Variants in ULK4 observed in about 807,000 individuals in gnomAD.
ULK4 encodes the protein inactive serine/threonine-protein kinase ULK4.
A neutral mutation model predicts 160.6 loss-of-function variants in ULK4; 133 were observed. The ratio of observed to expected loss-of-function variants is 0.83; its 90% confidence interval spans 0.72 to 0.96. The LOEUF is 0.96. Among genes scored for constraint, ULK4 ranks in the 40% least tolerant of loss-of-function variants. The pLI is 0.00. For synonymous variants in ULK4, 534 were observed against 539.8 expected, an observed-to-expected ratio of 0.99 and a Z score of 0.15; for missense variants, 1,580 against 1,499.5, an observed-to-expected ratio of 1.05 and a Z score of -0.89.
chr3:41,436,184 A>G (rs971172137), intron 34 of ULK4, among the ~76,000 whole-genome samples: 1 of 152,158 alleles, frequency 6.6e-6, no homozygotes, highest in African/African-American at 2.4e-5. Flanking sequence ...TATTAAGATA[A>G]TTTTGACCAA....
intron 3 of ULK4, 108 bp from the exon 4 acceptor site, chr3:41,936,048 T>A: frequency 7.1e-7 from 1 of 1,402,402 alleles, no homozygotes; most frequent in Admixed American, 2.3e-5. Context: ...ATCAAGACAG[T>A]AAACGCTGAC....
intron 31 of ULK4, among the ~76,000 whole-genome samples, chr3:41,601,653 G>A (rs1384773557): frequency 6.6e-6 from 1 of 152,056 alleles, no homozygotes; most frequent in Non-Finnish European, 1.5e-5. Flanking sequence ...CCTCGTCTCT[G>A]TGGTTTTCCT....
intron 32 of ULK4, among the ~76,000 whole-genome samples, chr3:41,501,268 C>T (rs530664363): frequency 2.6e-5 from 4 of 152,242 alleles, no homozygotes; most frequent in East Asian, 1.9e-4. Context: ...GAGGCCGAGA[C>T]GGGCGGATCA....
chr3:41,432,444 G>A lies in ULK4; in HGVS notation c.3492+23053C>T, dbSNP rs186429375. Among the ~76,000 whole-genome samples, 595 of 152,260 alleles carry A rather than the reference G, an allele frequency of 3.9e-3. 6 individuals are homozygous for A. Among genetic ancestry groups the A allele is most frequent in the African/African-American group, 0.014 (574 of 41,562 alleles). On this transcript the variant is annotated intron_variant, in intron 34 of 36. Coordinates refer to ENST00000301831, the MANE Select transcript of ULK4 (RefSeq NM_017886.4). ...TGCTTTTTCTGGAGGATCACATAAT[G>A]TAAAAAGAAGGCTCTTCTGTGTAAT...
At chr3:41,652,585 C>G (rs2034783968) in intron 30 of ULK4, among the ~76,000 whole-genome samples, 1 of 152,112 alleles carries the variant, frequency 6.6e-6, no homozygotes, top group Non-Finnish European at 1.5e-5. Context: ...CTGAACTGAA[C>G]AAGGATATAG....
intron 29 of ULK4, among the ~76,000 whole-genome samples, chr3:41,674,759 A>C (rs2035651781): frequency 6.6e-6 from 1 of 152,198 alleles, no homozygotes; most frequent in African/African-American, 2.4e-5. Context: ...CACGGATTTG[A>C]CACATCATTT....
chr3:41,288,610 C>G (rs2079505893), intron 35 of ULK4, among the ~76,000 whole-genome samples: 1 of 152,210 alleles, frequency 6.6e-6, no homozygotes, highest in Non-Finnish European at 1.5e-5. Context: ...CTTTGAAACC[C>G]TGTATACAGC....
intron 16 of ULK4, among the ~76,000 whole-genome samples, chr3:41,884,463 G>A (rs1697645145): frequency 6.6e-6 from 1 of 152,144 alleles, no homozygotes; most frequent in South Asian, 2.1e-4. Context: ...GTTTTAATGA[G>A]GTGTTCCTTT....
rs1031773131 is a variant in ULK4 at position 41,426,407 on chromosome 3, C to G, written c.3493-28143G>C. Among the ~76,000 whole-genome samples, 7 of 152,172 alleles carry G rather than the reference C, an allele frequency of 4.6e-5. No individual in the cohort carries two copies. The South Asian group carries it at 1.4e-3, about 31-fold the overall frequency. On this transcript the variant is annotated intron_variant, in intron 34 of 36. Coordinates refer to ENST00000301831, the MANE Select transcript of ULK4 (RefSeq NM_017886.4). ...GGATATTCAGGACTTGAATTCAGCT[C>G]TGAATCAAATGGATTTGACAGATAT...
In ULK4 at chr3:41,947,183, C is replaced by T. The variant is rs374551678; in HGVS notation, c.138+7439G>A. On this transcript the variant is annotated intron_variant, in intron 2 of 36. Transcript: ENST00000301831. ...TCTACTAAAAATACAAAAAATTAGCCGGGCATAGTCCCAGCTACTCGGGAG... is the reference window on the plus strand; with the variant it reads ...TCTACTAAAAATACAAAAAATTAGCTGGGCATAGTCCCAGCTACTCGGGAG... Among the ~76,000 whole-genome samples, 15 of 152,116 alleles carry T rather than the reference C, an allele frequency of 9.9e-5. No homozygotes were observed. The East Asian group carries it at 2.5e-3, about 26-fold the overall frequency.
chr3:41,706,536 G>T (rs1031797879), intron 25 of ULK4, among the ~76,000 whole-genome samples: 1 of 150,828 alleles, frequency 6.6e-6, no homozygotes, highest in Non-Finnish European at 1.5e-5. Context: ...GTAGAAATTG[G>T]TCTAACATAG....
intron 29 of ULK4, among the ~76,000 whole-genome samples, chr3:41,676,120 C>T (rs2035704738): frequency 6.6e-6 from 1 of 152,118 alleles, no homozygotes; most frequent in Non-Finnish European, 1.5e-5. Flanking sequence ...ACCTATGGAG[C>T]TGTGACCTAA....
At chr3:41,350,413 T>C (rs764911103) in intron 35 of ULK4, among the ~76,000 whole-genome samples, 2 of 152,234 alleles carry the variant, frequency 1.3e-5, no homozygotes, top group Non-Finnish European at 2.9e-5. Flanking sequence ...ATAATCTTTA[T>C]AAAGAATTAT....
chr3:41,723,356 A>G (rs1380002129), intron 22 of ULK4, among the ~76,000 whole-genome samples: 2 of 151,978 alleles, frequency 1.3e-5, no homozygotes, highest in East Asian at 3.9e-4. Context: ...TGGATCTTTT[A>G]TCTTCTTCCT....
At chr3:41,592,573 T>A (rs994695029) in intron 31 of ULK4, among the ~76,000 whole-genome samples, 18 of 152,274 alleles carry the variant, frequency 1.2e-4, no homozygotes, top group African/African-American at 4.1e-4. Context: ...TAAAAAAATT[T>A]TTTTAAATAA....
intron 35 of ULK4, among the ~76,000 whole-genome samples, chr3:41,333,807 T>G (rs1056822401): frequency 2.0e-5 from 3 of 152,084 alleles, no homozygotes; most frequent in Non-Finnish European, 4.4e-5. Context: ...CATTAAGAAT[T>G]CAGAATCCTA....
intron 34 of ULK4, among the ~76,000 whole-genome samples, chr3:41,448,676 T>TAGTGCTCATGGC (rs1213701906): frequency 6.6e-6 from 1 of 152,132 alleles, no homozygotes; most frequent in Non-Finnish European, 1.5e-5. Context: ...ACCTTCATGA[T>TAGTGCTCATGGC]AGTGCTCATG....
intron 34 of ULK4, among the ~76,000 whole-genome samples, chr3:41,449,498 A>G (rs575375516): frequency 7.2e-4 from 110 of 152,288 alleles, no homozygotes; most frequent in Non-Finnish European, 1.3e-3. Flanking sequence ...TGCTTAGTAT[A>G]GAACTAATAA....
At chr3:41,866,318 C>CAA (rs1696878500) in intron 17 of ULK4, among the ~76,000 whole-genome samples, 1 of 152,132 alleles carries the variant, frequency 6.6e-6, no homozygotes, top group Non-Finnish European at 1.5e-5. Context: ...AATTAAGTAT[C>CAA]AATATATATT....
Sources: gnomAD v4.1 joint callset for allele counts (sites outside exome capture counted in the v4.1 genomes callset) on GRCh38, gnomAD v4.1.1 for gene constraint, MANE v1.5 for transcripts, NCBI Gene and HGNC (gene_info 2026-07-23, HGNC 2026-07-21) for gene names.